CLVS1: variants seen among roughly 807,000 people sequenced by gnomAD.
CLVS1 encodes clavesin 1.
In CLVS1, 10 loss-of-function variants were observed where a neutral mutation model predicts 33.1. The ratio of observed to expected loss-of-function variants is 0.30; its 90% CI spans 0.19 to 0.51. CLVS1 has a LOEUF of 0.51. Ranked by LOEUF, CLVS1 falls within the 20% of genes least tolerant of loss-of-function variation. The pLI is 0.97. For missense variants in CLVS1, 343 were observed against 433.4 expected (o/e 0.79, Z 1.85); for synonymous variants, 163 against 166.1 (o/e 0.98, Z 0.14).
chr8:60,995,808 G>T, the CLVS1 span, among the ~76,000 whole-genome samples: 8 of 152,168 alleles, frequency 5.3e-5, no homozygotes, highest in African/African-American at 1.2e-4. Context: ...GTGGCACATA[G>T]ACACCATGGA....
At chr8:60,966,700 G>A in the CLVS1 span, 1 of 211,638 alleles carries the variant, frequency 4.7e-6, no homozygotes, top group Non-Finnish European at 9.8e-6. Context: ...AGTAATGAAT[G>A]AACACAAATC....
chr8:61,177,471 C>T (rs114353142), intron 2 of CLVS1, among the ~76,000 whole-genome samples: 4,014 of 152,272 alleles, frequency 0.026, 167 homozygotes, highest in African/African-American at 0.09. Context: ...CCCTCTCCAC[C>T]GAGGGACAAT....
At chr8:61,044,766 C>T in the CLVS1 span, among the ~76,000 whole-genome samples, 2 of 152,158 alleles carry the variant, frequency 1.3e-5, no homozygotes, top group Non-Finnish European at 2.9e-5. Flanking sequence ...CTCTGGCCAT[C>T]AACTTTGTAT....
intron 3 of CLVS1, among the ~76,000 whole-genome samples, chr8:61,419,396 CAAA>C (rs10635998): frequency 5.7e-5 from 4 of 70,324 alleles, no homozygotes; most frequent in African/African-American, 4.5e-5. Flanking sequence ...GACTCCGTCT[CAAA>C]AAAAAAAAAA....
chr8:61,269,052 T>A (rs1205499796), intron 2 of CLVS1, among the ~76,000 whole-genome samples: 1 of 148,606 alleles, frequency 6.7e-6, no homozygotes, highest in African/African-American at 2.5e-5. Flanking sequence ...TTGTCTTTTG[T>A]TGCCATTGCT....
intron 2 of CLVS1, among the ~76,000 whole-genome samples, chr8:61,139,017 C>G (rs957605836): frequency 2.0e-5 from 3 of 152,276 alleles, no homozygotes; most frequent in Non-Finnish European, 2.9e-5. Flanking sequence ...GCTTTGAGAA[C>G]TGCTAGAAGC....
At chr8:60,994,268 C>T in the CLVS1 span, among the ~76,000 whole-genome samples, 1 of 152,046 alleles carries the variant, frequency 6.6e-6, no homozygotes, top group Non-Finnish European at 1.5e-5. Context: ...GAGGACCCAC[C>T]CTAATGACCT....
upstream of CLVS1, among the ~76,000 whole-genome samples, chr8:61,287,392 T>C (rs193060355): frequency 1.7e-3 from 255 of 152,320 alleles, 1 homozygote; most frequent in African/African-American, 5.8e-3. Flanking sequence ...AAACATCTAC[T>C]TGCTGCAATT....
At chr8:61,452,606 C>A (rs1817002744) in intron 3 of CLVS1, among the ~76,000 whole-genome samples, 1 of 152,038 alleles carries the variant, frequency 6.6e-6, no homozygotes, top group Non-Finnish European at 1.5e-5. Context: ...AAAAGATAAC[C>A]TTATTAAGAA....
chr8:61,341,916 T>G (rs183218859), intron 2 of CLVS1, among the ~76,000 whole-genome samples: 1 of 152,196 alleles, frequency 6.6e-6, no homozygotes, highest in Non-Finnish European at 1.5e-5. Flanking sequence ...TCCAGGGGCT[T>G]TTAGTGCTGT....
At chr8:61,397,350 T>C (rs1814567600) in intron 3 of CLVS1, among the ~76,000 whole-genome samples, 1 of 152,202 alleles carries the variant, frequency 6.6e-6, no homozygotes, top group Non-Finnish European at 1.5e-5. Flanking sequence ...AATATCTTTT[T>C]TGGAGAATCA....
At chr8:60,987,889 C>T in the CLVS1 span, among the ~76,000 whole-genome samples, 1 of 152,040 alleles carries the variant, frequency 6.6e-6, no homozygotes, top group South Asian at 2.1e-4. Flanking sequence ...ATGATCATGC[C>T]CTCCAGCCTG....
intron 5 of CLVS1, among the ~76,000 whole-genome samples, chr8:61,483,993 A>G (rs1006209906): frequency 1.3e-5 from 2 of 152,222 alleles, no homozygotes; most frequent in Admixed American, 1.3e-4. Flanking sequence ...ATCATACTGA[A>G]TGGACAAGAA....
At chr8:61,420,562 A>G (rs1341362661) in intron 3 of CLVS1, among the ~76,000 whole-genome samples, 4 of 152,110 alleles carry the variant, frequency 2.6e-5, no homozygotes, top group Non-Finnish European at 5.9e-5. Context: ...AGATCGCACC[A>G]CTGCACTCCA....
chr8:60,987,959 G>T, the CLVS1 span, among the ~76,000 whole-genome samples: 1 of 152,132 alleles, frequency 6.6e-6, no homozygotes, highest in Non-Finnish European at 1.5e-5. Context: ...GTGCTAGTGA[G>T]AGATGAAGGT....
At chr8:61,453,667 T>A (rs1330994042) in intron 3 of CLVS1, among the ~76,000 whole-genome samples, 1 of 152,148 alleles carries the variant, frequency 6.6e-6, no homozygotes, top group Non-Finnish European at 1.5e-5. Flanking sequence ...AACTACTTCC[T>A]ACACAGCCAG....
chr8:61,152,324 C>A (rs1323598149), intron 2 of CLVS1, among the ~76,000 whole-genome samples: 1 of 152,146 alleles, frequency 6.6e-6, no homozygotes, highest in Non-Finnish European at 1.5e-5. Flanking sequence ...TAGGGCCCTA[C>A]CCTCAGGCCT....
At chr8:61,477,487 G>C (rs1328040007) in intron 5 of CLVS1, among the ~76,000 whole-genome samples, 1 of 152,212 alleles carries the variant, frequency 6.6e-6, no homozygotes, top group African/African-American at 2.4e-5. Flanking sequence ...CCTGTTATTG[G>C]TCTATACAGA....
chr8:61,346,733 T>C (rs1170783020), intron 2 of CLVS1, among the ~76,000 whole-genome samples: 4 of 152,166 alleles, frequency 2.6e-5, no homozygotes, highest in African/African-American at 4.8e-5. Context: ...TGGCAGATCA[T>C]AGTCCTGCAA....
Sources: allele counts gnomAD v4.1 joint callset (sites outside exome capture counted in the v4.1 genomes callset), GRCh38; gene constraint gnomAD v4.1.1; transcripts MANE v1.5; gene names NCBI Gene and HGNC (gene_info 2026-07-23, HGNC 2026-07-21).